Variants in CAB39 observed in about 807,000 individuals in gnomAD.
The protein encoded by CAB39 is calcium binding protein 39.
Under a neutral mutation model 40.0 loss-of-function variants are expected in CAB39, and 8 were observed. That is an observed-to-expected ratio of 0.20 (90% confidence interval 0.12 to 0.36). The LOEUF (loss-of-function observed/expected upper bound fraction) is 0.36. Ranked by LOEUF, CAB39 falls within the 10% of genes least tolerant of loss-of-function variation. The pLI is 1.00. For synonymous variants in CAB39, 156 were observed against 141.6 expected, an observed-to-expected ratio of 1.10 and a Z score of -0.72; for missense variants, 270 against 401.1, an observed-to-expected ratio of 0.67 and a Z score of 2.79.
chr2:230,813,684 A>G (rs1696344044), intron 6 of CAB39, among the ~76,000 whole-genome samples: 2 of 152,290 alleles, frequency 1.3e-5, no homozygotes, highest in South Asian at 4.1e-4. Flanking sequence ...ATATGAGAGC[A>G]GACTCAACAA....
At chr2:230,794,517 T>A (rs1038718264) in intron 4 of CAB39, among the ~76,000 whole-genome samples, 3 of 152,202 alleles carry the variant, frequency 2.0e-5, no homozygotes, top group Admixed American at 1.3e-4. Context: ...CTGCTGACAT[T>A]TTTCACTTCA....
intron 5 of CAB39, among the ~76,000 whole-genome samples, chr2:230,806,945 A>G (rs1356867578): frequency 6.6e-6 from 1 of 152,184 alleles, no homozygotes; most frequent in East Asian, 1.9e-4. Flanking sequence ...CCCAAACTCA[A>G]GCTTTTAGGA....
At chr2:230,725,367 C>G in intron 1 of CAB39, 1 of 1,598,580 alleles carries the variant, frequency 6.3e-7, no homozygotes, top group South Asian at 1.1e-5. Flanking sequence ...CCCATGGGCT[C>G]TGCCACGAAG....
At chr2:230,765,996 T>C (rs368451568) in intron 2 of CAB39, among the ~76,000 whole-genome samples, 5 of 152,328 alleles carry the variant, frequency 3.3e-5, no homozygotes, top group Admixed American at 2.0e-4. Context: ...AAATTACTTA[T>C]GCTGAAATAG....
chr2:230,758,864 G>C (rs1318871051), intron 1 of CAB39, among the ~76,000 whole-genome samples: 1 of 152,160 alleles, frequency 6.6e-6, no homozygotes, highest in Non-Finnish European at 1.5e-5. Context: ...AGACTGTTTA[G>C]TGCCTGTGAA....
In CAB39 at chr2:230,716,617, G is replaced by T. The variant is rs555244193; in HGVS notation, c.-44+3387G>T. 2.0e-5 allele frequency among the ~76,000 whole-genome samples: 3 copies of T among 152,326 alleles called. No homozygotes were observed. The East Asian group carries it at 5.8e-4, about 29-fold the overall frequency. On this transcript the variant is annotated intron_variant, in intron 1 of 8. Transcript: ENST00000258418. ...GTGTCTCATTCTGTTGCCCAGGCTG[G>T]TCTTGAACTCCTGGGCTTATGCCAT...
intron 1 of CAB39, among the ~76,000 whole-genome samples, chr2:230,741,178 A>C (rs750419917): frequency 1.3e-5 from 2 of 152,200 alleles, no homozygotes. Flanking sequence ...GTTGCTGACT[A>C]TGGTAATTGT....
At chr2:230,729,850 T>C (rs1479948570) in intron 1 of CAB39, among the ~76,000 whole-genome samples, 1 of 152,126 alleles carries the variant, frequency 6.6e-6, no homozygotes, top group Non-Finnish European at 1.5e-5. Flanking sequence ...TCATTCATTA[T>C]AGCAATAAAA....
chr2:230,812,003 T>C (rs1696313848), intron 6 of CAB39, among the ~76,000 whole-genome samples: 1 of 152,128 alleles, frequency 6.6e-6, no homozygotes, highest in Non-Finnish European at 1.5e-5. Flanking sequence ...GGAGAAGCAG[T>C]GGGGGATGTG....
chr2:230,719,893 C>T (rs531997403), intron 1 of CAB39, among the ~76,000 whole-genome samples: 1 of 152,306 alleles, frequency 6.6e-6, no homozygotes, highest in South Asian at 2.1e-4. Context: ...TACTTTATGG[C>T]ATGTGACTGT....
chr2:230,809,238 T>G (rs1696260844), intron 5 of CAB39, among the ~76,000 whole-genome samples: 1 of 152,216 alleles, frequency 6.6e-6, no homozygotes, highest in Non-Finnish European at 1.5e-5. Context: ...CTCGTTTGCT[T>G]GACCATGGGA....
At chr2:230,727,286 G>A (rs574356334) in intron 1 of CAB39, among the ~76,000 whole-genome samples, 20 of 151,534 alleles carry the variant, frequency 1.3e-4, no homozygotes, top group African/African-American at 4.6e-4. Context: ...AGGGAGGGGC[G>A]GGGGATATTT....
In CAB39 at chr2:230,817,798, G is replaced by A; in HGVS notation, c.738G>A (p.Met246Ile). 6.2e-7 allele frequency: 1 copy of A among 1,611,814 alleles called. No homozygotes were observed. The highest frequency in any genetic ancestry group is 2.2e-5 in the East Asian group (1 of 44,836). The part of the protein sequence containing the change: ...LLLDRHNFTI[M>I]TKYISKPENL... The stretch of plus-strand genomic sequence containing the variant: ...TAGATAGACACAACTTCACAATTAT[G>A]ACAAAATACATCAGTAAACCTGAGA... The change falls in exon 8 of 9, where the codon ATG becomes ATA. Residue 246 changes from methionine (M) to isoleucine (I), a missense_variant. Physicochemically the swap from Met to Ile is conservative, Grantham distance 10. Transcript: ENST00000258418.
At chr2:230,783,440 C>CTTGTCTTGTT (rs1310389769) in intron 2 of CAB39, among the ~76,000 whole-genome samples, 1 of 56,382 alleles carries the variant, frequency 1.8e-5, no homozygotes, top group Non-Finnish European at 4.1e-5. Context: ...CTGTTCTTGT[C>CTTGTCTTGTT]TAGTTTTGTT....
At position 230,791,071 on chromosome 2, in the gene CAB39, A is replaced by G. The variant is rs765721038; in HGVS notation, c.279+35A>G. On this transcript the variant is annotated intron_variant, in intron 3 of 8. Coordinates refer to ENST00000258418, the MANE Select transcript of CAB39 (RefSeq NM_016289.4). ...CAATTTCTTATTTTTAAAAAACAGT[A>G]CCCTGTGCATAATTCTTTTCCATAC... 5 of 1,435,298 alleles carry G rather than the reference A, an allele frequency of 3.5e-6. No individual in the cohort carries two copies. In the South Asian group the frequency reaches 5.0e-5, roughly 14 times the overall value. 88.9% of individuals were successfully genotyped at this position (1,435,298 alleles called of 1,614,324 possible). A position where few individuals can be genotyped will look rare whatever the true frequency, so the allele number is the denominator to read the frequency against.
intron 2 of CAB39, among the ~76,000 whole-genome samples, chr2:230,763,855 C>T (rs1695336935): frequency 6.6e-6 from 1 of 152,086 alleles, no homozygotes; most frequent in Admixed American, 6.6e-5. Context: ...GGCATGGTGG[C>T]TCACACCTGT....
intron 2 of CAB39, among the ~76,000 whole-genome samples, chr2:230,787,315 C>T (rs1198322905): frequency 3.3e-5 from 5 of 152,136 alleles, no homozygotes; most frequent in Non-Finnish European, 5.9e-5. Context: ...TCTATTCATG[C>T]GTCATTCCTT....
chr2:230,794,294 A>G (rs1306269371), intron 4 of CAB39, among the ~76,000 whole-genome samples: 21 of 152,062 alleles, frequency 1.4e-4, no homozygotes, highest in Admixed American at 1.2e-3. Flanking sequence ...ATTTCTAACC[A>G]TCTGTGTTAC....
intron 4 of CAB39, among the ~76,000 whole-genome samples, chr2:230,795,272 T>C (rs1268521440): frequency 2.1e-5 from 2 of 96,936 alleles, no homozygotes; most frequent in Admixed American, 1.8e-4. Flanking sequence ...CAAGACTTGA[T>C]TTCCAAAAAA....
Sources: allele counts gnomAD v4.1 joint callset (sites outside exome capture counted in the v4.1 genomes callset), GRCh38; gene constraint gnomAD v4.1.1; transcripts MANE v1.5; gene names NCBI Gene and HGNC (gene_info 2026-07-23, HGNC 2026-07-21).